SCN2A: variants seen among roughly 807,000 people sequenced by gnomAD.
SCN2A encodes the protein sodium voltage-gated channel alpha subunit 2, also known as sodium channel protein type 2 subunit alpha.
In SCN2A, 20 loss-of-function variants were observed where a neutral mutation model predicts 188.7. That is an observed-to-expected ratio of 0.11 (90% CI 0.07 to 0.15). The LOEUF is 0.15. Ranked by LOEUF, SCN2A falls within the 10% of genes least tolerant of loss-of-function variation. SCN2A has a pLI of 1.00. For synonymous variants in SCN2A, 804 were observed against 833.1 expected (o/e 0.97, Z 0.60); for missense variants, 1,278 against 2,445.0 (o/e 0.52, Z 10.07).
At chr2:165,352,432 T>A (rs908632400) in intron 16 of SCN2A, among the ~76,000 whole-genome samples, 3 of 152,164 alleles carry the variant, frequency 2.0e-5, no homozygotes, top group Non-Finnish European at 4.4e-5. Context: ...ACAAAGGTGC[T>A]GTAAGCCTCA....
chr2:165,250,239 A>T (rs1209713043), intron 1 of SCN2A, among the ~76,000 whole-genome samples: 1 of 152,006 alleles, frequency 6.6e-6, no homozygotes. Flanking sequence ...CTCATTTAAA[A>T]CTTCAATCAA....
chr2:165,374,593 T>A (rs144646335), intron 21 of SCN2A, 92 bp from the exon 22 acceptor site: 928 of 1,395,230 alleles, frequency 6.7e-4, no homozygotes, highest in Non-Finnish European at 8.2e-4. Flanking sequence ...CAGATTTTTT[T>A]AATCATTTGA....
At chr2:165,277,554 C>T (rs1695399980) in intron 1 of SCN2A, among the ~76,000 whole-genome samples, 1 of 152,162 alleles carries the variant, frequency 6.6e-6, no homozygotes, top group African/African-American at 2.4e-5. Flanking sequence ...TTGGCAGCTT[C>T]TGATTGGTTA....
chr2:165,282,709 C>T (rs570509398), intron 1 of SCN2A, among the ~76,000 whole-genome samples: 5 of 152,218 alleles, frequency 3.3e-5, no homozygotes, highest in East Asian at 1.9e-4. Flanking sequence ...AGGCACTACT[C>T]GCAGCTGGGG....
intron 1 of SCN2A, among the ~76,000 whole-genome samples, chr2:165,275,947 C>T (rs1461195322): frequency 6.6e-6 from 1 of 152,100 alleles, no homozygotes; most frequent in African/African-American, 2.4e-5. Context: ...GTTGGCCAGG[C>T]TGGTCTTGAA....
At chr2:165,338,638 CA>C (rs888376960) in intron 14 of SCN2A, among the ~76,000 whole-genome samples, 2 of 151,640 alleles carry the variant, frequency 1.3e-5, no homozygotes, top group African/African-American at 2.4e-5. Flanking sequence ...AACACAGAAG[CA>C]AAAAATCATT....
intron 1 of SCN2A, chr2:165,271,257 A>G (rs1332076172): frequency 6.6e-6 from 1 of 152,150 alleles, no homozygotes; most frequent in Admixed American, 6.6e-5. Context: ...GAATGGTATT[A>G]TGAGCAAAGA....
Position 165,285,959 on chromosome 2 carries a change from C to A in SCN2A, c.-51-9814C>A, listed in dbSNP as rs74491097. The stretch of plus-strand genomic sequence containing the variant: ...CGAGGGGCAAAATGACCCTGTATTG[C>A]AGAGGACTGTAGACATGCTCTGTGC... On this transcript the variant is annotated intron_variant, in intron 1 of 26. Transcript: ENST00000375437. The A allele has an allele frequency of 9.3e-3, 2,057 of 220,278 alleles. 47 individuals carry two copies. The highest frequency in any genetic ancestry group is 0.045 in the African/African-American group (1,961 of 43,256). The allele number at this position is 220,278 out of a possible 1,614,324, so 13.6% of individuals were successfully genotyped here. A position where few individuals can be genotyped will look rare whatever the true frequency, so the allele number is the denominator to read the frequency against.
chr2:165,308,009 C>T (rs1264628562), intron 4 of SCN2A, 72 bp downstream of exon 4: 1 of 985,460 alleles, frequency 1.0e-6, no homozygotes, highest in Non-Finnish European at 1.6e-6. Context: ...CTTGAGACCT[C>T]CTCAATTTCT....
At chr2:165,384,717 A>G (rs545860175) in intron 25 of SCN2A, among the ~76,000 whole-genome samples, 4 of 152,280 alleles carry the variant, frequency 2.6e-5, no homozygotes, top group Admixed American at 6.5e-5. Context: ...AATGCCATAC[A>G]TTTTATGATC....
At chr2:165,286,196 T>C (rs2106128418) in intron 1 of SCN2A, 2 of 152,426 alleles carry the variant, frequency 1.3e-5, no homozygotes, top group African/African-American at 4.8e-5. Flanking sequence ...TTTTGCAGAG[T>C]TTCACTCCTT....
intron 16 of SCN2A, among the ~76,000 whole-genome samples, chr2:165,353,572 G>A (rs1403531358): frequency 6.6e-6 from 1 of 152,272 alleles, no homozygotes; most frequent in South Asian, 2.1e-4. Context: ...AGTGAGCTTG[G>A]TGCTGGCATC....
rs1702079237 is a variant in SCN2A, at chr2:165,390,360, A to G, written c.*536A>G. 1 of 154,490 alleles carries G rather than the reference A, an allele frequency of 6.5e-6. No homozygotes were observed. The highest frequency in any genetic ancestry group is 6.4e-5 in the Admixed American group (1 of 15,616). The allele number at this position is 154,490 out of a possible 1,614,324, so 9.6% of individuals were successfully genotyped here. Reference sequence around the variant, plus strand: ...CTACATTTCTCTATTGTATTGTATAACTGGATATATTTTAAATGGAGGCAT... The same window carrying G: ...CTACATTTCTCTATTGTATTGTATAGCTGGATATATTTTAAATGGAGGCAT... On this transcript the variant is annotated 3_prime_UTR_variant, in exon 27 of 27. Transcript: ENST00000375437.
chr2:165,313,914 G>T lies in SCN2A; in HGVS notation c.1189G>T (p.Ala397Ser), dbSNP rs904268618. ...TTCCATTTTGCAGACACTACGTGCT[G>T]CTGGGAAAACGTACATGATATTTTT... is the stretch of plus-strand genomic sequence containing the variant. ...ENLYQLTLRA[A>S]GKTYMIFFVL... The change falls in exon 10 of 27, where the codon GCT (alanine) becomes TCT (serine). Residue 397 changes from alanine (A) to serine (S), a missense_variant. Physicochemically the swap from Ala to Ser is moderately conservative, Grantham distance 99 (BLOSUM62 1). Around this residue, in one of 17 missense-constraint regions of SCN2A, gnomAD observed 42 missense variants for 137.3 expected, o/e 0.31. Coordinates refer to ENST00000375437, the MANE Select transcript of SCN2A (RefSeq NM_001040142.2). 6.2e-7 allele frequency: 1 copy of T among 1,613,818 alleles called. No homozygotes were observed.
chr2:165,370,368 C>CA, intron 20 of SCN2A, 69 bp downstream of exon 20: 1 of 1,465,226 alleles, frequency 6.8e-7, no homozygotes, highest in Non-Finnish European at 9.6e-7. Context: ...TGGTGCCTGA[C>CA]ACAGTGTAGG....
intron 17 of SCN2A, among the ~76,000 whole-genome samples, chr2:165,358,373 A>G (rs1166976691): frequency 2.6e-5 from 4 of 152,170 alleles, no homozygotes; most frequent in African/African-American, 9.7e-5. Context: ...TTTTAATGTG[A>G]TAATAATGTA....
intron 3 of SCN2A, among the ~76,000 whole-genome samples, chr2:165,301,248 G>A (rs1559347020): frequency 6.6e-6 from 1 of 152,134 alleles, no homozygotes; most frequent in Non-Finnish European, 1.5e-5. Context: ...GAGTTGAGGA[G>A]TTAGGTGGCT....
chr2:165,350,551 C>G (rs894353890), intron 16 of SCN2A, among the ~76,000 whole-genome samples: 4 of 140,710 alleles, frequency 2.8e-5, no homozygotes, highest in African/African-American at 1.1e-4. Flanking sequence ...CGGCTCACTG[C>G]AAGCTCCGCC....
In SCN2A at chr2:165,390,281, A is replaced by T; in HGVS notation, c.*457A>T. 5.7e-6 allele frequency: 1 copy of T among 174,752 alleles called. No homozygotes were observed. Among genetic ancestry groups the T allele is most frequent in the Non-Finnish European group, 1.2e-5 (1 of 80,800 alleles). The allele number at this position is 174,752 out of a possible 1,614,324, so 10.8% of individuals were successfully genotyped here. A position where few individuals can be genotyped will look rare whatever the true frequency, so the allele number is the denominator to read the frequency against. On this transcript the variant is annotated 3_prime_UTR_variant, in exon 27 of 27. Transcript: ENST00000375437. ...CACAGGTTGTTTACTATTATATGTG[A>T]CTATTTTTGTAAATGGGTTTGTGTT...
Sources: allele counts gnomAD v4.1 joint callset (sites outside exome capture counted in the v4.1 genomes callset), GRCh38; gene constraint gnomAD v4.1.1; regional missense constraint gnomAD v4.1.1; transcripts MANE v1.5; gene names NCBI Gene and HGNC (gene_info 2026-07-23, HGNC 2026-07-21).